COL9A1: variants seen among roughly 807,000 people sequenced by gnomAD.
COL9A1 encodes the protein collagen alpha-1(IX) chain.
In COL9A1, 104 loss-of-function variants were observed where a neutral mutation model predicts 142.6. That is an observed-to-expected ratio of 0.73 (90% CI 0.62 to 0.86). COL9A1 has a LOEUF of 0.86. Among genes scored for constraint, COL9A1 ranks in the 40% least tolerant of loss-of-function variants. COL9A1 has a pLI of 0.00. For missense variants in COL9A1, 1,210 were observed against 1,176.6 expected (o/e 1.03, Z -0.42); for synonymous variants, 466 against 396.0 (o/e 1.18, Z -2.10).
rs73473599 is a variant in COL9A1 at position 70,283,136 on chromosome 6, G to A, written c.781-218C>T. The A allele has an allele frequency of 9.2e-4, 1,413 of 1,531,892 alleles. 12 individuals carry two copies. In the African/African-American group the frequency reaches 0.015, roughly 16 times the overall value. The allele number at this position is 1,531,892 out of a possible 1,614,324, so 94.9% of individuals were successfully genotyped here. ...TTCCAGACCCGCCACTAGCATAGGT[G>A]GCACTTCGTCCCTGCAGAAAAAGCA... On this transcript the variant is annotated intron_variant, in intron 6 of 37. Transcript: ENST00000357250.
chr6:70,281,503 G>A (rs202193470), intron 7 of COL9A1, 39 bp from the exon 8 acceptor site: 8 of 1,549,240 alleles, frequency 5.2e-6, no homozygotes, highest in Admixed American at 3.5e-5. Context: ...GGAGCACATC[G>A]GGCAACAGGG....
In COL9A1 at chr6:70,268,795, T is replaced by C. The variant is rs1437778766; in HGVS notation, c.1287+9A>G. 1 of 1,612,732 alleles carries C rather than the reference T, an allele frequency of 6.2e-7. No individual in the cohort carries two copies. The highest frequency in any genetic ancestry group is 1.3e-5 in the African/African-American group (1 of 75,050). ...AATACTCTTAAAATACTGGAAGTTA[T>C]TCTCTTACCCTCATGCCTGGTAGGC... On this transcript the variant is annotated intron_variant, in intron 17 of 37. Coordinates refer to ENST00000357250, the MANE Select transcript of COL9A1 (RefSeq NM_001851.6).
At chr6:70,221,477 T>A (rs1409524424) in intron 37 of COL9A1, among the ~76,000 whole-genome samples, 1 of 152,174 alleles carries the variant, frequency 6.6e-6, no homozygotes, top group African/African-American at 2.4e-5. Context: ...AAAAATTAGG[T>A]ACTGAAAAAC....
chr6:70,217,147 C>T, intron 37 of COL9A1, 66 bp from the exon 38 acceptor site: 1 of 1,535,312 alleles, frequency 6.5e-7, no homozygotes, highest in Non-Finnish European at 9.0e-7. Context: ...TGGCAGAGGG[C>T]ATGGCTCAGC....
At chr6:70,255,792 T>C (rs1194616275) in intron 21 of COL9A1, among the ~76,000 whole-genome samples, 1 of 150,844 alleles carries the variant, frequency 6.6e-6, no homozygotes, top group Non-Finnish European at 1.5e-5. Flanking sequence ...CCAGTCAATA[T>C]TAGTAATTTC....
chr6:70,301,946 C>T, intron 2 of COL9A1, 55 bp downstream of exon 2: 1 of 1,411,542 alleles, frequency 7.1e-7, no homozygotes, highest in Non-Finnish European at 9.9e-7. Context: ...ACAGCCCTGC[C>T]TGATCATTTC....
intron 28 of COL9A1, among the ~76,000 whole-genome samples, chr6:70,245,000 CCT>C (rs1770503497): frequency 6.6e-6 from 1 of 152,182 alleles, no homozygotes; most frequent in Non-Finnish European, 1.5e-5. Context: ...CATTTACTCC[CCT>C]GTTACTGCAC....
At chr6:70,261,757 T>C (rs1306511103) in intron 19 of COL9A1, among the ~76,000 whole-genome samples, 1 of 152,228 alleles carries the variant, frequency 6.6e-6, no homozygotes, top group Non-Finnish European at 1.5e-5. Context: ...ATTTACTGAC[T>C]CTAAAGTTAT....
At chr6:70,215,367 A>G (rs564554878), downstream of COL9A1, 6 of 152,348 alleles carry the variant, frequency 3.9e-5, no homozygotes, top group African/African-American at 1.4e-4. Flanking sequence ...TTTAAAATGT[A>G]TAAAAGTACA....
chr6:70,298,867 G>A (rs948523200), intron 4 of COL9A1, among the ~76,000 whole-genome samples: 5 of 152,210 alleles, frequency 3.3e-5, no homozygotes, highest in Non-Finnish European at 5.9e-5. Flanking sequence ...AATCTTTCCA[G>A]ATGTGAATGG....
At chr6:70,238,984 C>T (rs1028068377) in intron 33 of COL9A1, among the ~76,000 whole-genome samples, 1 of 151,988 alleles carries the variant, frequency 6.6e-6, no homozygotes, top group Non-Finnish European at 1.5e-5. Context: ...ACTAAAAATA[C>T]AAAAATTAGC....
intron 19 of COL9A1, 124 bp downstream of exon 19, chr6:70,263,120 A>T (rs1190399109): frequency 6.9e-6 from 5 of 720,706 alleles, no homozygotes; most frequent in Non-Finnish European, 9.2e-6. Flanking sequence ...CGTGGTGGAA[A>T]ATAGAGGACA....
At chr6:70,239,372 T>A in intron 32 of COL9A1, 86 bp from the exon 33 acceptor site, 1 of 954,218 alleles carries the variant, frequency 1.0e-6, no homozygotes, top group Non-Finnish European at 1.7e-6. Context: ...ATTGTGCTAC[T>A]AAAATACGGA....
chr6:70,244,202 A>G (rs143681004), intron 28 of COL9A1, among the ~76,000 whole-genome samples: 347 of 152,344 alleles, frequency 2.3e-3, no homozygotes, highest in Non-Finnish European at 3.9e-3. Context: ...AATGCTTTTA[A>G]ACATTTTTCA....
At chr6:70,249,742 A>G (rs1770815417) in intron 28 of COL9A1, among the ~76,000 whole-genome samples, 1 of 152,072 alleles carries the variant, frequency 6.6e-6, no homozygotes, top group Non-Finnish European at 1.5e-5. Flanking sequence ...ATAGCCTCCT[A>G]TGATTTGCCT....
At chr6:70,269,603 C>G (rs58276384) in intron 16 of COL9A1, 30 bp downstream of exon 16, 2 of 1,495,584 alleles carry the variant, frequency 1.3e-6, no homozygotes, top group East Asian at 4.5e-5. Flanking sequence ...TGAATTAAAA[C>G]TATATTTTGT....
intron 4 of COL9A1, among the ~76,000 whole-genome samples, chr6:70,296,670 T>C (rs1380755915): frequency 6.6e-6 from 1 of 152,144 alleles, no homozygotes; most frequent in African/African-American, 2.4e-5. Flanking sequence ...TATGGAAGTT[T>C]GTACATCTTA....
chr6:70,254,811 C>A (rs1771171410), intron 24 of COL9A1, 152 bp downstream of exon 24: 3 of 781,380 alleles, frequency 3.8e-6, no homozygotes, highest in Non-Finnish European at 6.6e-6. Flanking sequence ...GTAAGTATTT[C>A]ATATTTGACA....
chr6:70,263,853 C>G (rs1252399441), intron 18 of COL9A1, among the ~76,000 whole-genome samples: 1 of 151,832 alleles, frequency 6.6e-6, no homozygotes, highest in Non-Finnish European at 1.5e-5. Flanking sequence ...CATAGAAAAG[C>G]CTTTTCCACT....
Sources: gnomAD v4.1 joint callset for allele counts (sites outside exome capture counted in the v4.1 genomes callset) on GRCh38, gnomAD v4.1.1 for gene constraint, MANE v1.5 for transcripts, NCBI Gene and HGNC (gene_info 2026-07-23, HGNC 2026-07-21) for gene names.